The following GLI3 variants were observed in gnomAD, a reference collection of about 807,000 sequenced individuals.
The protein encoded by GLI3 is transcription activator GLI3.
A neutral mutation model predicts 100.8 loss-of-function variants in GLI3; 20 were observed. The ratio of observed to expected loss-of-function variants is 0.20; its 90% CI spans 0.14 to 0.29. The LOEUF is 0.29. Ranked by LOEUF, GLI3 falls within the 10% of genes least tolerant of loss-of-function variation. The pLI is 1.00. For missense variants in GLI3, 2,040 were observed against 2,128.5 expected (o/e 0.96, Z 0.82); for synonymous variants, 938 against 860.5 (o/e 1.09, Z -1.58).
intron 1 of GLI3, among the ~76,000 whole-genome samples, chr7:42,236,026 G>C (rs1788783849): frequency 6.6e-6 from 1 of 151,864 alleles, no homozygotes; most frequent in South Asian, 2.1e-4. Context: ...GGGAAGCCTG[G>C]GGTGCAGCGC....
At chr7:42,209,968 AC>A (rs1338606596) in intron 2 of GLI3, among the ~76,000 whole-genome samples, 1 of 140,140 alleles carries the variant, frequency 7.1e-6, no homozygotes, top group Non-Finnish European at 1.5e-5. Flanking sequence ...GCTGGGTCAT[AC>A]ATCTCTTTAA....
At chr7:42,031,695 G>C (rs144596234) in intron 7 of GLI3, among the ~76,000 whole-genome samples, 317 of 152,322 alleles carry the variant, frequency 2.1e-3, no homozygotes, top group Non-Finnish European at 2.9e-3. Flanking sequence ...GTGGTTGTTA[G>C]ATAGCTTACT....
chr7:42,047,688 G>A (rs1028737446), intron 5 of GLI3, among the ~76,000 whole-genome samples: 1 of 152,174 alleles, frequency 6.6e-6, no homozygotes, highest in Non-Finnish European at 1.5e-5. Flanking sequence ...GAAAGTAATG[G>A]GGGGACTAAC....
At chr7:42,037,851 G>A (rs1784049712) in intron 7 of GLI3, among the ~76,000 whole-genome samples, 1 of 152,166 alleles carries the variant, frequency 6.6e-6, no homozygotes, top group Non-Finnish European at 1.5e-5. Context: ...AGCTTACCTG[G>A]GTGAAGATGA....
At chr7:42,155,460 A>G (rs918773037) in intron 2 of GLI3, among the ~76,000 whole-genome samples, 4 of 151,810 alleles carry the variant, frequency 2.6e-5, no homozygotes, top group Non-Finnish European at 5.9e-5. Flanking sequence ...AAAAGAAAGA[A>G]AAAGAAAATG....
intron 2 of GLI3, among the ~76,000 whole-genome samples, chr7:42,169,900 A>G (rs1287812772): frequency 6.6e-6 from 1 of 152,064 alleles, no homozygotes; most frequent in Non-Finnish European, 1.5e-5. Context: ...CAATTGAAAT[A>G]TAAGAAGTAA....
chr7:42,133,627 T>TG (rs1161013135), intron 3 of GLI3, among the ~76,000 whole-genome samples: 1 of 130,832 alleles, frequency 7.6e-6, no homozygotes, highest in Non-Finnish European at 1.6e-5. Context: ...CTTAATACTC[T>TG]GGATAGAAAG....
At chr7:42,035,303 C>A (rs890559794) in intron 7 of GLI3, among the ~76,000 whole-genome samples, 1 of 152,208 alleles carries the variant, frequency 6.6e-6, no homozygotes, top group Non-Finnish European at 1.5e-5. Flanking sequence ...CTGACTTCCA[C>A]CCTGCCTCAG....
chr7:42,030,120 G>T (rs1001052997), intron 7 of GLI3, among the ~76,000 whole-genome samples: 1 of 152,130 alleles, frequency 6.6e-6, no homozygotes, highest in Non-Finnish European at 1.5e-5. Flanking sequence ...GACGGTCTAG[G>T]CTCCCTGCCT....
intron 10 of GLI3, among the ~76,000 whole-genome samples, chr7:42,011,889 A>C (rs957980111): frequency 2.0e-5 from 3 of 152,176 alleles, no homozygotes; most frequent in Non-Finnish European, 4.4e-5. Flanking sequence ...ACAGAACTGC[A>C]AACTTCAAAA....
chr7:42,058,052 T>G (rs540166484), intron 4 of GLI3, among the ~76,000 whole-genome samples: 1 of 151,794 alleles, frequency 6.6e-6, no homozygotes, highest in African/African-American at 2.4e-5. Flanking sequence ...ATAAAAAATA[T>G]GTAATAAAAA....
intron 10 of GLI3, 71 bp downstream of exon 10, chr7:42,023,397 T>C: frequency 6.7e-7 from 1 of 1,497,530 alleles, no homozygotes; most frequent in Non-Finnish European, 9.3e-7. Context: ...CAGCTCAGGG[T>C]CAGAGAGGCT....
chr7:42,188,183 G>T (rs1176341211), intron 2 of GLI3, among the ~76,000 whole-genome samples: 9 of 152,020 alleles, frequency 5.9e-5, no homozygotes, highest in Admixed American at 5.9e-4. Flanking sequence ...CCGTCAGAGG[G>T]AGTATGGGCC....
Position 42,186,654 on chromosome 7 carries a change from G to C in GLI3, c.124+36476C>G, listed in dbSNP as rs564115328. ...GTCTTTCAGGCCTTAGTCACTGGAAGGCCCACAACATTTACAACAAATCCA... is the reference window on the plus strand; with the variant it reads ...GTCTTTCAGGCCTTAGTCACTGGAACGCCCACAACATTTACAACAAATCCA... On this transcript the variant is annotated intron_variant, in intron 2 of 14. Transcript: ENST00000395925. Among the ~76,000 whole-genome samples, 4 of 152,226 alleles carry C rather than the reference G, an allele frequency of 2.6e-5. No individual in the cohort carries two copies. The South Asian group carries it at 8.3e-4, about 32-fold the overall frequency.
intron 4 of GLI3, among the ~76,000 whole-genome samples, chr7:42,073,649 A>G (rs1400513336): frequency 6.6e-6 from 1 of 152,216 alleles, no homozygotes; most frequent in African/African-American, 2.4e-5. Context: ...ATAATTATAG[A>G]AGCGCCTGCC....
chr7:42,079,711 A>T (rs1784959641), intron 3 of GLI3, among the ~76,000 whole-genome samples: 1 of 152,160 alleles, frequency 6.6e-6, no homozygotes, highest in Non-Finnish European at 1.5e-5. Context: ...GTTGGAAGGT[A>T]TTTTCACTTC....
intron 2 of GLI3, among the ~76,000 whole-genome samples, chr7:42,220,447 A>G (rs896496112): frequency 2.0e-5 from 3 of 152,134 alleles, no homozygotes; most frequent in African/African-American, 7.2e-5. Flanking sequence ...TAGTGTCCCA[A>G]CTTGGAAATC....
chr7:42,023,718 G>A, intron 9 of GLI3, 110 bp from the exon 10 acceptor site: 4 of 903,292 alleles, frequency 4.4e-6, no homozygotes, highest in Non-Finnish European at 7.3e-6. Flanking sequence ...TGGGTCTAGG[G>A]TTTTGTGAAG....
At position 42,237,076 on chromosome 7, in the gene GLI3, C is replaced by G. The variant is rs1788819520; in HGVS notation, c.-148G>C. ...CGCGGCCGCGGGCGGCTACGGCTAC[C>G]GCGAGCGGCCGGGCTGGGCGCGGGG... On this transcript the variant is annotated 5_prime_UTR_variant, in exon 1 of 15. Coordinates refer to ENST00000395925, the MANE Select transcript of GLI3 (RefSeq NM_000168.6). The G allele has an allele frequency of 6.8e-6, 1 of 147,428 alleles. No homozygotes were observed. The highest frequency in any genetic ancestry group is 2.1e-4 in the South Asian group (1 of 4,852). 9.1% of individuals were successfully genotyped at this position (147,428 alleles called of 1,614,324 possible).
Sources: gnomAD v4.1 joint callset for allele counts (sites outside exome capture counted in the v4.1 genomes callset) on GRCh38, gnomAD v4.1.1 for gene constraint, MANE v1.5 for transcripts, NCBI Gene and HGNC (gene_info 2026-07-23, HGNC 2026-07-21) for gene names.